Variants in GALNT1 observed in about 807,000 individuals in gnomAD.
GALNT1 encodes the protein GalNAc transferase 1.
GALNT1 carries 17 observed loss-of-function variants against 65.7 expected under a neutral mutation model. That is an observed-to-expected ratio of 0.26 (90% confidence interval 0.18 to 0.39). GALNT1 has a LOEUF of 0.39. Among genes scored for constraint, GALNT1 ranks in the 10% least tolerant of loss-of-function variants. The pLI is 1.00. For synonymous variants in GALNT1, 210 were observed against 219.7 expected (o/e 0.96, Z 0.39); for missense variants, 460 against 672.8 (o/e 0.68, Z 3.50).
chr18:35,710,514 A>G lies in GALNT1; in HGVS notation c.*744A>G, dbSNP rs745852834. 6.6e-6 allele frequency: 1 copy of G among 152,012 alleles called. No homozygotes were observed. The highest frequency in any genetic ancestry group is 1.5e-5 in the Non-Finnish European group (1 of 67,970). The allele number at this position is 152,012 out of a possible 1,614,324, so 9.4% of individuals were successfully genotyped here. On this transcript the variant is annotated 3_prime_UTR_variant, in exon 12 of 12. Coordinates refer to ENST00000269195, the MANE Select transcript of GALNT1 (RefSeq NM_020474.4). ...TTGAATATAGTTTTAATTTCTCTCTACAGTTTTTTTTGTTTGGTTTGTGGG... is the reference window on the plus strand; with the variant it reads ...TTGAATATAGTTTTAATTTCTCTCTGCAGTTTTTTTTGTTTGGTTTGTGGG...
chr18:35,651,849 A>G (rs2047315742), intron 1 of GALNT1, among the ~76,000 whole-genome samples: 1 of 152,226 alleles, frequency 6.6e-6, no homozygotes, highest in Non-Finnish European at 1.5e-5. Context: ...TCTTACCTGC[A>G]ATGGGTCGTG....
rs1052017953 is a variant in GALNT1, at chr18:35,659,695, C to T, written c.140-3933C>T. 2.0e-5 allele frequency among the ~76,000 whole-genome samples: 3 copies of T among 152,260 alleles called. No homozygotes were observed. The East Asian group carries it at 5.8e-4, about 29-fold the overall frequency. ...TTAAAATATTAATGATTTAACTTTTCATGTACTTATGCTGGAATTATTTCA... is the reference window on the plus strand; with the variant it reads ...TTAAAATATTAATGATTTAACTTTTTATGTACTTATGCTGGAATTATTTCA... On this transcript the variant is annotated intron_variant, in intron 2 of 11. Transcript: ENST00000269195.
intron 3 of GALNT1, among the ~76,000 whole-genome samples, chr18:35,670,426 T>C (rs1396751801): frequency 6.6e-6 from 1 of 152,234 alleles, no homozygotes; most frequent in Non-Finnish European, 1.5e-5. Context: ...ATATTACTTA[T>C]AATGTAGTCT....
intron 1 of GALNT1, among the ~76,000 whole-genome samples, chr18:35,643,531 A>T (rs2047192182): frequency 6.6e-6 from 1 of 152,226 alleles, no homozygotes. Flanking sequence ...TGGGAGGCCG[A>T]GGCAGGCAGA....
intron 9 of GALNT1, among the ~76,000 whole-genome samples, chr18:35,694,746 T>TA (rs1349793994): frequency 1.3e-5 from 2 of 152,146 alleles, no homozygotes; most frequent in Non-Finnish European, 2.9e-5. Flanking sequence ...CAGTTCAAAG[T>TA]AAAAAACTCC....
intron 11 of GALNT1, among the ~76,000 whole-genome samples, chr18:35,704,157 C>T (rs764009903): frequency 5.9e-5 from 9 of 152,150 alleles, no homozygotes; most frequent in South Asian, 2.1e-4. Context: ...TTAAAGCATC[C>T]GTGGTAAACC....
At chr18:35,668,924 A>G (rs990736323) in intron 3 of GALNT1, among the ~76,000 whole-genome samples, 11 of 152,230 alleles carry the variant, frequency 7.2e-5, no homozygotes, top group African/African-American at 2.4e-4. Flanking sequence ...TTCTATAGCT[A>G]TTAAGTAGAA....
chr18:35,662,497 G>T (rs906990562), intron 2 of GALNT1, among the ~76,000 whole-genome samples: 2 of 152,054 alleles, frequency 1.3e-5, no homozygotes, highest in Non-Finnish European at 2.9e-5. Flanking sequence ...AGGTGGCTTT[G>T]TACCACTGGC....
At chr18:35,651,870 A>G (rs2047316004) in intron 1 of GALNT1, among the ~76,000 whole-genome samples, 3 of 152,232 alleles carry the variant, frequency 2.0e-5, no homozygotes, top group African/African-American at 7.2e-5. Context: ...CAAATTAACA[A>G]TCTTTTAAAC....
At chr18:35,648,439 G>A (rs976276306) in intron 1 of GALNT1, among the ~76,000 whole-genome samples, 1 of 152,112 alleles carries the variant, frequency 6.6e-6, no homozygotes, top group Non-Finnish European at 1.5e-5. Flanking sequence ...GACTTAAGAT[G>A]TTTTCAACTT....
chr18:35,614,705 G>A (rs72958886), intron 1 of GALNT1, among the ~76,000 whole-genome samples: 13,908 of 152,028 alleles, frequency 0.091, 736 homozygotes, highest in African/African-American at 0.15. Flanking sequence ...ATTAAGTTGC[G>A]AATATATGAT....
intron 3 of GALNT1, 30 bp from the exon 4 acceptor site, chr18:35,677,561 T>C: frequency 6.3e-7 from 1 of 1,577,968 alleles, no homozygotes; most frequent in Non-Finnish European, 8.6e-7. Context: ...TAACAGTCAC[T>C]TTTTATAAAG....
chr18:35,694,049 A>T (rs986204736), intron 9 of GALNT1, among the ~76,000 whole-genome samples: 2 of 152,206 alleles, frequency 1.3e-5, no homozygotes, highest in Admixed American at 6.5e-5. Context: ...AGCTGTATCG[A>T]ATACTGCAGA....
chr18:35,682,717 T>C (rs986857024), intron 4 of GALNT1, among the ~76,000 whole-genome samples: 4 of 152,100 alleles, frequency 2.6e-5, no homozygotes, highest in African/African-American at 9.7e-5. Flanking sequence ...AGGATAGCTA[T>C]TGATTTCATA....
chr18:35,652,588 T>A (rs535441816), intron 1 of GALNT1, among the ~76,000 whole-genome samples: 7 of 152,202 alleles, frequency 4.6e-5, no homozygotes, highest in Non-Finnish European at 1.0e-4. Flanking sequence ...ACATTCAGTG[T>A]GAACTAACTG....
rs181991149 is a variant in GALNT1, at chr18:35,590,467, G to A, written c.-104+8605G>A. On this transcript the variant is annotated intron_variant, in intron 1 of 11. Coordinates refer to ENST00000269195, the MANE Select transcript of GALNT1 (RefSeq NM_020474.4). ...GGACAAACTTCTATGGGAACCAGGAGGTGATTTGAAGACAGTTCTTTAGGT... is the reference window on the plus strand; with the variant it reads ...GGACAAACTTCTATGGGAACCAGGAAGTGATTTGAAGACAGTTCTTTAGGT... Among the ~76,000 whole-genome samples the A allele has an allele frequency of 2.7e-4, 41 of 152,220 alleles. No homozygotes were observed. In the East Asian group the frequency reaches 3.3e-3, roughly 12 times the overall value.
At chr18:35,679,552 G>A (rs2047758588) in intron 4 of GALNT1, among the ~76,000 whole-genome samples, 1 of 152,122 alleles carries the variant, frequency 6.6e-6, no homozygotes, top group African/African-American at 2.4e-5. Context: ...GTGAGCAGAT[G>A]TCTACCTCAC....
chr18:35,632,836 A>C (rs562947394), intron 1 of GALNT1, among the ~76,000 whole-genome samples: 11 of 152,338 alleles, frequency 7.2e-5, no homozygotes, highest in African/African-American at 2.6e-4. Flanking sequence ...TCTACAAAGA[A>C]CTCAAACAAA....
intron 1 of GALNT1, among the ~76,000 whole-genome samples, chr18:35,590,595 CACAT>C (rs2046431713): frequency 6.6e-6 from 1 of 152,112 alleles, no homozygotes; most frequent in African/African-American, 2.4e-5. Context: ...TTGGTAGAGA[CACAT>C]ACTAAGTTAT....
Sources: allele counts gnomAD v4.1 joint callset (sites outside exome capture counted in the v4.1 genomes callset), GRCh38; gene constraint gnomAD v4.1.1; transcripts MANE v1.5; gene names NCBI Gene and HGNC (gene_info 2026-07-23, HGNC 2026-07-21).